GCFC2: variants seen among roughly 807,000 people sequenced by gnomAD.
GCFC2 encodes intron Large complex component GCFC2.
Under a neutral mutation model 99.4 loss-of-function variants are expected in GCFC2, and 102 were observed. That is an observed-to-expected ratio of 1.03 (90% CI 0.87 to 1.21). The LOEUF is 1.21. Ranked by LOEUF, GCFC2 falls within the 50% of genes most tolerant of loss-of-function variation. The probability of loss-of-function intolerance (pLI) is 0.00; values close to 1 mark genes in which losing one functional copy is unlikely to be tolerated. For synonymous variants in GCFC2, 338 were observed against 316.8 expected, an observed-to-expected ratio of 1.07 and a Z score of -0.71; for missense variants, 973 against 920.9, an observed-to-expected ratio of 1.06 and a Z score of -0.73.
rs1234182441 is a variant in GCFC2, at chr2:75,670,300, A to C, written c.1957-16T>G. 1 of 1,539,690 alleles carries C rather than the reference A, an allele frequency of 6.5e-7. No homozygotes were observed. Among genetic ancestry groups the C allele is most frequent in the Admixed American group, 1.7e-5 (1 of 59,534 alleles). On this transcript the variant is annotated splice_polypyrimidine_tract_variant and intron_variant, in intron 14 of 16. Transcript: ENST00000321027. Reference sequence around the variant, plus strand: ...TGCGGAAGAGCTAAAATAAAATATCAAGTAAATATGTACCTTTTCTCCAAA... The same window carrying C: ...TGCGGAAGAGCTAAAATAAAATATCCAGTAAATATGTACCTTTTCTCCAAA...
chr2:75,687,418 A>G (rs1022959653), intron 11 of GCFC2, among the ~76,000 whole-genome samples: 2 of 152,142 alleles, frequency 1.3e-5, no homozygotes, highest in African/African-American at 4.8e-5. Context: ...TAGAACAGAG[A>G]AGGTAAGTGA....
At chr2:75,690,178 A>G in intron 8 of GCFC2, 97 bp from the exon 9 acceptor site, 1 of 695,844 alleles carries the variant, frequency 1.4e-6, no homozygotes. Context: ...GAAAATAAGT[A>G]ATTTTATCAT....
At chr2:75,689,289 A>G in intron 9 of GCFC2, 64 bp from the exon 10 acceptor site, 3 of 861,010 alleles carry the variant, frequency 3.5e-6, no homozygotes. Flanking sequence ...CTTCCTTAAA[A>G]ACACGGTCAT....
At chr2:75,668,810 G>A (rs1251683729) in intron 15 of GCFC2, among the ~76,000 whole-genome samples, 1 of 152,106 alleles carries the variant, frequency 6.6e-6, no homozygotes, top group Non-Finnish European at 1.5e-5. Context: ...CTAAGTCAAA[G>A]AATATAAGCT....
chr2:75,710,151 A>G (rs1681076318), intron 1 of GCFC2, among the ~76,000 whole-genome samples: 1 of 152,224 alleles, frequency 6.6e-6, no homozygotes, highest in Non-Finnish European at 1.5e-5. Flanking sequence ...CCCAAAACCT[A>G]GATTCCTGTA....
In GCFC2 at chr2:75,702,682, C is replaced by T. The variant is rs73939108; in HGVS notation, c.395-259G>A. ...GAAACTGCTTCATTTTATCTTTTAACTCTCTTACTCATCAGGTACTGCTCA... is the reference window on the plus strand; with the variant it reads ...GAAACTGCTTCATTTTATCTTTTAATTCTCTTACTCATCAGGTACTGCTCA... On this transcript the variant is annotated intron_variant, in intron 2 of 16. Coordinates refer to ENST00000321027, the MANE Select transcript of GCFC2 (RefSeq NM_003203.5). Among the ~76,000 whole-genome samples the T allele has an allele frequency of 6.9e-3, 1,058 of 152,282 alleles. 8 individuals carry two copies. The highest frequency in any genetic ancestry group is 0.024 in the African/African-American group (1,011 of 41,542).
intron 4 of GCFC2, among the ~76,000 whole-genome samples, chr2:75,699,551 G>A (rs1432357981): frequency 6.6e-6 from 1 of 152,066 alleles, no homozygotes; most frequent in African/African-American, 2.4e-5. Context: ...CTCACTACTT[G>A]TTTAAACTTT....
At chr2:75,711,767 C>G (rs951116326), upstream of GCFC2, among the ~76,000 whole-genome samples, 1 of 152,242 alleles carries the variant, frequency 6.6e-6, no homozygotes, top group Admixed American at 6.5e-5. Flanking sequence ...GCCGGCCCAC[C>G]GGCGCTGTGC....
intron 12 of GCFC2, among the ~76,000 whole-genome samples, chr2:75,674,619 ATATTCT>A (rs1434040971): frequency 1.9e-4 from 29 of 152,146 alleles, no homozygotes; most frequent in Non-Finnish European, 2.6e-4. Context: ...TTATATAATG[ATATTCT>A]TATTCATATT....
chr2:75,694,037 A>T (rs1020807777), intron 6 of GCFC2, among the ~76,000 whole-genome samples: 1 of 152,100 alleles, frequency 6.6e-6, no homozygotes, highest in Non-Finnish European at 1.5e-5. Flanking sequence ...TATATACAAA[A>T]TTTTATACAA....
chr2:75,709,800 GTATA>G (rs1249993188), intron 1 of GCFC2, among the ~76,000 whole-genome samples: 1 of 152,140 alleles, frequency 6.6e-6, no homozygotes, highest in Non-Finnish European at 1.5e-5. Flanking sequence ...TACACTATAA[GTATA>G]TACATTTTTT....
intron 12 of GCFC2, among the ~76,000 whole-genome samples, chr2:75,677,990 A>G (rs1679423724): frequency 1.3e-5 from 2 of 151,922 alleles, no homozygotes; most frequent in Admixed American, 1.3e-4. Context: ...AAAAAAAAAA[A>G]AGACTTCATG....
chr2:75,692,002 T>C lies in GCFC2; in HGVS notation c.1119A>G (p.Glu373=), dbSNP rs773887758. ...GTGATAACTGTTGTAAATACGTTGATTCATGTTTTAATTCATCTTGCCTGC... is the reference window on the plus strand; with the variant it reads ...GTGATAACTGTTGTAAATACGTTGACTCATGTTTTAATTCATCTTGCCTGC... The part of the protein sequence containing the change: ...MKRRQDELKH[E]STYLQQLSRK... The change falls in exon 7 of 17, where the codon GAA becomes GAG. Residue 373 remains glutamate, a synonymous_variant. Coordinates refer to ENST00000321027, the MANE Select transcript of GCFC2 (RefSeq NM_003203.5). The C allele has an allele frequency of 3.9e-6, 6 of 1,549,914 alleles. No individual in the cohort carries two copies. The South Asian group carries it at 6.2e-5, about 16-fold the overall frequency.
Position 75,701,190 on chromosome 2 carries a change from C to T in GCFC2, c.717G>A (p.Glu239=), listed in dbSNP as rs1231113802. Residue 239 remains glutamate (E), a splice_region_variant and synonymous_variant, in exon 4 of 17, where the codon GAG becomes GAA. Coordinates refer to ENST00000321027, the MANE Select transcript of GCFC2 (RefSeq NM_003203.5). Reference sequence around the variant, plus strand: ...TACACATGGGATAAAAAATGATTACCTCTATGATTTTAACTGCTTTCCTCA... The same window carrying T: ...TACACATGGGATAAAAAATGATTACTTCTATGATTTTAACTGCTTTCCTCA... ...QQMRKAVKII[E]ERDIDLSCGN... The T allele has an allele frequency of 1.3e-6, 2 of 1,501,602 alleles. No individual in the cohort carries two copies. Among genetic ancestry groups the T allele is most frequent in the South Asian group, 2.3e-5 (2 of 88,452 alleles). 93.0% of individuals were successfully genotyped at this position (1,501,602 alleles called of 1,614,324 possible).
chr2:75,670,034 A>G (rs1679020338), intron 15 of GCFC2, 104 bp downstream of exon 15: 9 of 719,036 alleles, frequency 1.3e-5, no homozygotes, highest in Admixed American at 5.0e-5. Flanking sequence ...CCATTTGTCT[A>G]TATATGAGTA....
At chr2:75,710,942 C>A, upstream of GCFC2, 1 of 1,369,838 alleles carries the variant, frequency 7.3e-7, no homozygotes, top group Non-Finnish European at 9.3e-7. Context: ...GCGCTCCCGC[C>A]GCGCCTGGCC....
rs1680574332 is a variant in GCFC2 at position 75,701,222 on chromosome 2, G to A, written c.685C>T (p.Gln229Ter). Residue 229 changes from glutamine to a stop codon, truncating the protein, a stop_gained, in exon 4 of 17, where the codon CAG becomes TAG. Coordinates refer to ENST00000321027, the MANE Select transcript of GCFC2 (RefSeq NM_003203.5). LOFTEE classifies it high-confidence loss of function. ...ATTTTAACTGCTTTCCTCATTTGCTGTTGTTCCCAAGTATCTTGCTTTTCA... is the reference window on the plus strand; with the variant it reads ...ATTTTAACTGCTTTCCTCATTTGCTATTGTTCCCAAGTATCTTGCTTTTCA... ...EDEKQDTWEQ[Q>*]QMRKAVKIIE... 6.2e-7 allele frequency: 1 copy of A among 1,600,740 alleles called. No individual in the cohort carries two copies. Among genetic ancestry groups the A allele is most frequent in the Admixed American group, 1.7e-5 (1 of 59,958 alleles).
intron 3 of GCFC2, 107 bp from the exon 4 acceptor site, chr2:75,701,394 T>C (rs1274776727): frequency 1.6e-6 from 1 of 635,748 alleles, no homozygotes; most frequent in African/African-American, 1.8e-5. Flanking sequence ...ACTTGACGTG[T>C]TATTTATTCT....
chr2:75,671,895 T>C, intron 14 of GCFC2, 55 bp downstream of exon 14: 3 of 825,126 alleles, frequency 3.6e-6, no homozygotes, highest in Admixed American at 1.7e-5. Flanking sequence ...CTTTGTTCTA[T>C]AGTAAACAGG....
Sources: allele counts gnomAD v4.1 joint callset (sites outside exome capture counted in the v4.1 genomes callset), GRCh38; gene constraint gnomAD v4.1.1; transcripts MANE v1.5; gene names NCBI Gene and HGNC (gene_info 2026-07-23, HGNC 2026-07-21).